Variants in CEP89 observed in about 807,000 individuals in gnomAD.
The protein encoded by CEP89 is centrosomal protein of 89 kDa.
In CEP89, 95 loss-of-function variants were observed where a neutral mutation model predicts 97.6. That is an observed-to-expected ratio of 0.97 (90% CI 0.82 to 1.15). CEP89 has a LOEUF of 1.15. Among genes scored for constraint, CEP89 ranks in the 50% most tolerant of loss-of-function variants. The probability of loss-of-function intolerance (pLI) is 0.00; values close to 1 mark genes in which losing one functional copy is unlikely to be tolerated. For missense variants in CEP89, 869 were observed against 947.7 expected, an observed-to-expected ratio of 0.92 and a Z score of 1.09; for synonymous variants, 354 against 349.1, an observed-to-expected ratio of 1.01 and a Z score of -0.16.
At chr19:32,957,946 T>C (rs963947504) in intron 3 of CEP89, among the ~76,000 whole-genome samples, 1 of 151,746 alleles carries the variant, frequency 6.6e-6, no homozygotes, top group Admixed American at 6.6e-5. Flanking sequence ...CAGTGAGCCA[T>C]GATTGTGCCA....
chr19:32,953,489 A>C, intron 4 of CEP89, 126 bp downstream of exon 4: 1 of 713,864 alleles, frequency 1.4e-6, no homozygotes, highest in Middle Eastern at 2.5e-4. Context: ...CGTTTAAAAA[A>C]ATAAGCCCCA....
chr19:32,953,839 T>C (rs778324890), intron 3 of CEP89, 38 bp from the exon 4 acceptor site: 9 of 1,360,278 alleles, frequency 6.6e-6, no homozygotes. Context: ...AAACAAAAAG[T>C]CACTTAACAC....
At chr19:32,967,113 G>T (rs1971300290) in intron 1 of CEP89, among the ~76,000 whole-genome samples, 1 of 152,110 alleles carries the variant, frequency 6.6e-6, no homozygotes, top group African/African-American at 2.4e-5. Context: ...AGGTGCGAGT[G>T]CTGCACCTGG....
At chr19:32,899,374 T>A (rs1465882264) in intron 16 of CEP89, among the ~76,000 whole-genome samples, 1 of 152,082 alleles carries the variant, frequency 6.6e-6, no homozygotes, top group East Asian at 1.9e-4. Context: ...GCTCAAATGA[T>A]CCTCCTGCCT....
intron 2 of CEP89, among the ~76,000 whole-genome samples, chr19:32,961,935 C>G (rs988665968): frequency 6.6e-6 from 1 of 152,026 alleles, no homozygotes; most frequent in African/African-American, 2.4e-5. Context: ...TGAGCCACCA[C>G]GCCCAGCTGC....
In CEP89 at chr19:32,953,970, G is replaced by A. The variant is rs186157545; in HGVS notation, c.306-169C>T. Among the ~76,000 whole-genome samples the A allele has an allele frequency of 1.4e-3, 215 of 150,498 alleles. 1 individual carries two copies. Among genetic ancestry groups the A allele is most frequent in the African/African-American group, 5.0e-3 (205 of 40,918 alleles). On this transcript the variant is annotated intron_variant, in intron 3 of 18. Transcript: ENST00000305768. ...TGCAAGCTCCGCCTCGTGGGTTCAC[G>A]CCATTCTCCTGCCTCAGCCTAGTGA...
At chr19:32,882,163 G>T in intron 17 of CEP89, 150 bp from the exon 18 acceptor site, 1 of 648,916 alleles carries the variant, frequency 1.5e-6, no homozygotes, top group Non-Finnish European at 2.6e-6. Context: ...TTGCAAGTCT[G>T]GATCATAAAA....
At chr19:32,967,276 C>T (rs931333801) in intron 1 of CEP89, among the ~76,000 whole-genome samples, 3 of 152,102 alleles carry the variant, frequency 2.0e-5, no homozygotes, top group Non-Finnish European at 4.4e-5. Flanking sequence ...CAGAGAGCTC[C>T]GCTTTAGGTA....
At chr19:32,942,160 T>C (rs1327782504) in intron 5 of CEP89, among the ~76,000 whole-genome samples, 1 of 152,144 alleles carries the variant, frequency 6.6e-6, no homozygotes, top group Non-Finnish European at 1.5e-5. Flanking sequence ...GGCAGGTAGA[T>C]CGGTTGAGCC....
chr19:32,912,547 A>G (rs1217062906), intron 14 of CEP89, among the ~76,000 whole-genome samples: 1 of 152,122 alleles, frequency 6.6e-6, no homozygotes, highest in Non-Finnish European at 1.5e-5. Context: ...CAATTGTGTG[A>G]GCCAATTTTT....
chr19:32,954,515 G>A (rs1341360308), intron 3 of CEP89, among the ~76,000 whole-genome samples: 1 of 151,484 alleles, frequency 6.6e-6, no homozygotes, highest in East Asian at 1.9e-4. Flanking sequence ...ACCAAGCCCA[G>A]CTAGTTTTTG....
At chr19:32,903,690 C>T (rs1020556109) in intron 14 of CEP89, among the ~76,000 whole-genome samples, 3 of 152,114 alleles carry the variant, frequency 2.0e-5, no homozygotes, top group Admixed American at 6.5e-5. Context: ...CAGAGAGAAA[C>T]AAGTGTGGGC....
intron 5 of CEP89, among the ~76,000 whole-genome samples, chr19:32,941,290 G>A (rs920668105): frequency 3.3e-5 from 5 of 151,604 alleles, no homozygotes; most frequent in Admixed American, 2.0e-4. Context: ...ATCACTTGAG[G>A]TCAGGAGTTC....
chr19:32,927,903 C>CT lies in CEP89; in HGVS notation c.1030-920dup, dbSNP rs60706354. Among the ~76,000 whole-genome samples the CT allele has an allele frequency of 3.2e-4, 37 of 116,330 alleles. 1 individual carries two copies. Among genetic ancestry groups the CT allele is most frequent in the East Asian group, 2.3e-3 (9 of 3,988 alleles). 76.3% of individuals were successfully genotyped at this position (116,330 alleles called of 152,430 possible). Reference sequence around the variant, plus strand: ...TGCAAGTGTGAGCCAGCACACTTGGCTTTTTTTTTTTTTTTCTTTTTTTTT... The same window carrying CT: ...TGCAAGTGTGAGCCAGCACACTTGGCTTTTTTTTTTTTTTTTCTTTTTTTTT... On this transcript the variant is annotated intron_variant, in intron 9 of 18. Transcript: ENST00000305768.
At chr19:32,899,786 T>A (rs1012531256) in intron 16 of CEP89, 71 bp downstream of exon 16, 9 of 1,467,052 alleles carry the variant, frequency 6.1e-6, no homozygotes, top group Non-Finnish European at 7.5e-6. Flanking sequence ...AGATCATTTT[T>A]TAAAATACTC....
At chr19:32,944,921 C>CA (rs1485472437) in intron 5 of CEP89, among the ~76,000 whole-genome samples, 1 of 152,164 alleles carries the variant, frequency 6.6e-6, no homozygotes, top group East Asian at 1.9e-4. Flanking sequence ...ATTTATGAGA[C>CA]AGACACTCTA....
intron 9 of CEP89, among the ~76,000 whole-genome samples, chr19:32,927,903 CTT>C (rs60706354): frequency 0.43 from 49,968 of 116,522 alleles, 9,654 homozygotes; most frequent in African/African-American, 0.48. Context: ...GCACACTTGG[CTT>C]TTTTTTTTTT....
intron 12 of CEP89, among the ~76,000 whole-genome samples, chr19:32,921,514 T>C (rs146373862): frequency 2.8e-4 from 43 of 152,346 alleles, no homozygotes; most frequent in East Asian, 5.8e-4. Context: ...TCCCAACAAA[T>C]GCAGGATTGG....
At chr19:32,890,215 T>C (rs936462170) in intron 16 of CEP89, among the ~76,000 whole-genome samples, 6 of 152,068 alleles carry the variant, frequency 3.9e-5, no homozygotes, top group African/African-American at 1.4e-4. Context: ...CTGGCTAACA[T>C]GGTGAAATCC....
Sources: allele counts gnomAD v4.1 joint callset (sites outside exome capture counted in the v4.1 genomes callset), GRCh38; gene constraint gnomAD v4.1.1; transcripts MANE v1.5; gene names NCBI Gene and HGNC (gene_info 2026-07-23, HGNC 2026-07-21).